The following PSMB2 variants were observed in gnomAD, a reference collection of about 807,000 sequenced individuals.
PSMB2 encodes proteasome subunit beta type-2.
PSMB2 carries 13 observed loss-of-function variants against 25.7 expected under a neutral mutation model. That is an observed-to-expected ratio of 0.51 (90% CI 0.33 to 0.80). The LOEUF is 0.80. PSMB2 is among the 30% of genes least tolerant of loss of function. The probability of loss-of-function intolerance (pLI) is 0.02; values close to 1 mark genes in which losing one functional copy is unlikely to be tolerated. For missense variants in PSMB2, 202 were observed against 259.0 expected (o/e 0.78, Z 1.51); for synonymous variants, 87 against 96.2 (o/e 0.90, Z 0.56).
At chr1:35,621,231 T>C (rs972549459) in intron 3 of PSMB2, among the ~76,000 whole-genome samples, 1 of 152,162 alleles carries the variant, frequency 6.6e-6, no homozygotes, top group African/African-American at 2.4e-5. Flanking sequence ...CAGCAAGTCC[T>C]TTGAGGCTCA....
intron 3 of PSMB2, among the ~76,000 whole-genome samples, chr1:35,615,580 T>C (rs552597396): frequency 2.4e-4 from 37 of 152,332 alleles, no homozygotes; most frequent in East Asian, 5.8e-4. Flanking sequence ...GACAAGAGTC[T>C]GAGCGGTGAC....
chr1:35,610,600 A>G (rs1650301217), intron 3 of PSMB2, among the ~76,000 whole-genome samples: 1 of 152,012 alleles, frequency 6.6e-6, no homozygotes, highest in South Asian at 2.1e-4. Flanking sequence ...GGTTCAAGCG[A>G]TTCTCCTGCC....
chr1:35,624,515 G>A (rs1201724818), intron 3 of PSMB2, among the ~76,000 whole-genome samples: 4 of 152,320 alleles, frequency 2.6e-5, no homozygotes, highest in African/African-American at 4.8e-5. Flanking sequence ...TACTTTGGGA[G>A]GCTGAGGTGG....
chr1:35,631,674 G>GA (rs138394845), intron 2 of PSMB2: 2,469 of 216,396 alleles, frequency 0.011, 51 homozygotes, highest in African/African-American at 0.052. Context: ...CACAAGAAGT[G>GA]AAAAAAAAAG....
chr1:35,603,931 A>G (rs886117118), intron 5 of PSMB2, among the ~76,000 whole-genome samples: 3 of 147,488 alleles, frequency 2.0e-5, no homozygotes, highest in Admixed American at 2.0e-4. Context: ...GCTACTTGGG[A>G]GGATCGCTTG....
At chr1:35,631,175 C>T (rs1022610800) in intron 3 of PSMB2, 99 bp downstream of exon 3, 6 of 1,268,158 alleles carry the variant, frequency 4.7e-6, no homozygotes, top group Non-Finnish European at 6.8e-6. Flanking sequence ...TTCTGGAAGG[C>T]CAAAAAAGGG....
Position 35,600,512 on chromosome 1 carries a change from A to G in PSMB2, c.*2755T>C. On this transcript the variant is annotated 3_prime_UTR_variant, in exon 6 of 6. Coordinates refer to ENST00000373237, the MANE Select transcript of PSMB2 (RefSeq NM_002794.5). Reference sequence around the variant, plus strand: ...AAATTTATTCCAAAATAAAACATTTATTAAAAATAAATGATGCCTGGGTTT... The same window carrying G: ...AAATTTATTCCAAAATAAAACATTTGTTAAAAATAAATGATGCCTGGGTTT... 1.0e-6 allele frequency: 1 copy of G among 982,660 alleles called. No homozygotes were observed. The highest frequency in any genetic ancestry group is 4.7e-5 in the South Asian group (1 of 21,212). 60.9% of individuals were successfully genotyped at this position (982,660 alleles called of 1,614,324 possible).
chr1:35,608,719 G>A (rs1650244558), intron 4 of PSMB2, among the ~76,000 whole-genome samples: 1 of 152,194 alleles, frequency 6.6e-6, no homozygotes, highest in African/African-American at 2.4e-5. Flanking sequence ...AGAGGAGGCA[G>A]CCATTAGGTG....
At chr1:35,624,012 C>T (rs1393264936) in intron 3 of PSMB2, among the ~76,000 whole-genome samples, 1 of 152,108 alleles carries the variant, frequency 6.6e-6, no homozygotes, top group African/African-American at 2.4e-5. Flanking sequence ...CTCAAAGCAA[C>T]AGGTTTCTTC....
chr1:35,628,894 G>A (rs1400685301), intron 3 of PSMB2, among the ~76,000 whole-genome samples: 1 of 151,786 alleles, frequency 6.6e-6, no homozygotes, highest in Non-Finnish European at 1.5e-5. Context: ...AAAGTAACTT[G>A]TTATTTTAAG....
At chr1:35,631,398 G>A (rs1436438886) in intron 2 of PSMB2, 54 bp from the exon 3 acceptor site, 1 of 1,605,862 alleles carries the variant, frequency 6.2e-7, no homozygotes, top group African/African-American at 1.3e-5. Context: ...GAATAACAGT[G>A]CCCCAAATTA....
At chr1:35,619,934 T>G (rs963485183) in intron 3 of PSMB2, among the ~76,000 whole-genome samples, 1 of 152,232 alleles carries the variant, frequency 6.6e-6, no homozygotes, top group African/African-American at 2.4e-5. Flanking sequence ...ACCAACACCA[T>G]GTTTGCAACA....
intron 3 of PSMB2, 59 bp downstream of exon 3, chr1:35,631,215 A>G: frequency 6.5e-7 from 1 of 1,547,678 alleles, no homozygotes; most frequent in African/African-American, 1.4e-5. Context: ...TAATGAGAAT[A>G]TAAAAGAAGC....
intron 3 of PSMB2, among the ~76,000 whole-genome samples, chr1:35,627,258 CAAAAA>C (rs772688881): frequency 1.1e-4 from 4 of 36,446 alleles, no homozygotes; most frequent in Admixed American, 6.0e-4. Context: ...GACCCTATCT[CAAAAA>C]AAAAAAAAAA....
chr1:35,635,623 G>A (rs979072955), intron 2 of PSMB2, among the ~76,000 whole-genome samples: 1 of 152,106 alleles, frequency 6.6e-6, no homozygotes, highest in African/African-American at 2.4e-5. Flanking sequence ...AAGGTCAAGA[G>A]ATGGAGACCA....
At chr1:35,605,183 GCAAA>G in intron 5 of PSMB2, 46 bp downstream of exon 5, 1 of 1,543,870 alleles carries the variant, frequency 6.5e-7, no homozygotes, top group South Asian at 1.2e-5. Context: ...AACAACACTG[GCAAA>G]CAGAGAGACA....
intron 1 of PSMB2, 88 bp downstream of exon 1, chr1:35,641,254 C>T: frequency 6.6e-7 from 1 of 1,518,360 alleles, no homozygotes; most frequent in Non-Finnish European, 9.0e-7. Flanking sequence ...CTCTCAGATC[C>T]TCCCTGGTAC....
chr1:35,606,523 A>G (rs1158380282), intron 4 of PSMB2, among the ~76,000 whole-genome samples: 3 of 152,230 alleles, frequency 2.0e-5, no homozygotes, highest in Non-Finnish European at 4.4e-5. Flanking sequence ...CGAAAACTAT[A>G]AAACACTGAT....
At chr1:35,628,631 A>ATTTTTTTTTTTTTTT (rs138110586) in intron 3 of PSMB2, among the ~76,000 whole-genome samples, 6 of 38,064 alleles carry the variant, frequency 1.6e-4, no homozygotes, top group African/African-American at 6.4e-4. Context: ...ATATATATAT[A>ATTTTTTTTTTTTTTT]TTTTTTTTTT....
Sources: gnomAD v4.1 joint callset for allele counts (sites outside exome capture counted in the v4.1 genomes callset) on GRCh38, gnomAD v4.1.1 for gene constraint, MANE v1.5 for transcripts, NCBI Gene and HGNC (gene_info 2026-07-23, HGNC 2026-07-21) for gene names.